The following DNAJC25 variants were observed in gnomAD, a reference collection of about 807,000 sequenced individuals.
DNAJC25 encodes the protein dnaJ homolog subfamily C member 25.
Under a neutral mutation model 42.1 loss-of-function variants are expected in DNAJC25, and 26 were observed. The observed-to-expected ratio is 0.62, with a 90% CI of 0.45 to 0.86. DNAJC25 has a LOEUF of 0.86. Ranked by LOEUF, DNAJC25 falls within the 40% of genes least tolerant of loss-of-function variation. The pLI, the probability that DNAJC25 is intolerant of heterozygous loss-of-function variation, is 0.00. For synonymous variants in DNAJC25, 189 were observed against 179.9 expected, an observed-to-expected ratio of 1.05 and a Z score of -0.40; for missense variants, 404 against 459.4, an observed-to-expected ratio of 0.88 and a Z score of 1.10.
intron 2 of DNAJC25, 67 bp downstream of exon 2, chr9:111,647,326 A>G (rs1830581956): frequency 6.5e-7 from 1 of 1,531,800 alleles, no homozygotes; most frequent in Non-Finnish European, 8.8e-7. Flanking sequence ...AGTGCTAGTC[A>G]TTAAAACCTA....
At chr9:111,652,538 T>C (rs1479633842) in intron 3 of DNAJC25, among the ~76,000 whole-genome samples, 2 of 137,070 alleles carry the variant, frequency 1.5e-5, no homozygotes, top group Non-Finnish European at 3.2e-5. Context: ...AAAAAAGTAC[T>C]AGTTCTTTTT....
chr9:111,634,058 C>T (rs76522856), intron 1 of DNAJC25, among the ~76,000 whole-genome samples: 13,865 of 152,096 alleles, frequency 0.091, 2,102 homozygotes, highest in African/African-American at 0.32. Flanking sequence ...TCCCCCAGAA[C>T]GCCCACTGTC....
intron 1 of DNAJC25, among the ~76,000 whole-genome samples, chr9:111,639,910 C>G (rs143527824): frequency 0.078 from 9,926 of 126,722 alleles, 1,169 homozygotes; most frequent in African/African-American, 0.28. Context: ...CTCCCTCTCC[C>G]TCTCCCTCTC....
At chr9:111,641,213 C>T (rs1830455429) in intron 1 of DNAJC25, among the ~76,000 whole-genome samples, 1 of 141,894 alleles carries the variant, frequency 7.0e-6, no homozygotes, top group South Asian at 2.2e-4. Flanking sequence ...GCCGCCCCGT[C>T]CGGGAGGGAG....
chr9:111,631,401 G>A lies in DNAJC25; in HGVS notation c.-7G>A. ...CTGGGGTGGCAGAGCCGCCAGCGAG[G>A]CTGGGGATGGGGGCGCCGCTGCTCT... On this transcript the variant is annotated 5_prime_UTR_variant, in exon 1 of 4. Coordinates refer to ENST00000313525, the MANE Select transcript of DNAJC25 (RefSeq NM_001015882.3). 2 of 1,276,158 alleles carry A rather than the reference G, an allele frequency of 1.6e-6. No homozygotes were observed. The highest frequency in any genetic ancestry group is 2.0e-6 in the Non-Finnish European group (2 of 1,015,396). The allele number at this position is 1,276,158 out of a possible 1,614,324, so 79.1% of individuals were successfully genotyped here. A position where few individuals can be genotyped will look rare whatever the true frequency, so the allele number is the denominator to read the frequency against.
In DNAJC25 at chr9:111,638,707, T is replaced by C. The variant is rs150179558; in HGVS notation, c.336+6964T>C. 2.8e-3 allele frequency among the ~76,000 whole-genome samples: 426 copies of C among 152,278 alleles called. 5 individuals are homozygous for C. The highest frequency in any genetic ancestry group is 9.8e-3 in the African/African-American group (406 of 41,550). ...CCCTTTACTTACCAAGTCCTATTCT[T>C]TTTCTTAGCTGCTAAAATCTGTTTC... On this transcript the variant is annotated intron_variant, in intron 1 of 3. Transcript: ENST00000313525.
At chr9:111,646,181 G>A (rs1480839721) in intron 1 of DNAJC25, among the ~76,000 whole-genome samples, 1 of 152,116 alleles carries the variant, frequency 6.6e-6, no homozygotes, top group Admixed American at 6.5e-5. Context: ...TGAAAATGGG[G>A]CAAGTTGGAA....
chr9:111,643,516 TAGAG>T (rs147015766), intron 1 of DNAJC25, among the ~76,000 whole-genome samples: 15 of 152,226 alleles, frequency 9.9e-5, no homozygotes, highest in Non-Finnish European at 1.9e-4. Context: ...AGGTTCAAAT[TAGAG>T]AGAAATAGAC....
intron 1 of DNAJC25, among the ~76,000 whole-genome samples, chr9:111,642,579 C>T (rs956102238): frequency 7.2e-6 from 1 of 139,650 alleles, no homozygotes; most frequent in African/African-American, 2.7e-5. Context: ...AAATCCCCCT[C>T]TGTGAGAAAC....
At chr9:111,649,327 T>G in intron 2 of DNAJC25, 126 bp from the exon 3 acceptor site, 77 of 1,410,078 alleles carry the variant, frequency 5.5e-5, no homozygotes, top group Non-Finnish European at 6.9e-5. Flanking sequence ...GTAAGATCTT[T>G]GAGATCCCTA....
rs1830696284 is a variant in DNAJC25, at chr9:111,653,487, T to C, written c.*265T>C. 3.8e-6 allele frequency: 1 copy of C among 263,934 alleles called. No individual in the cohort carries two copies. The highest frequency in any genetic ancestry group is 2.2e-5 in the African/African-American group (1 of 44,988). The allele number at this position is 263,934 out of a possible 1,614,324, so 16.3% of individuals were successfully genotyped here. A position where few individuals can be genotyped will look rare whatever the true frequency, so the allele number is the denominator to read the frequency against. On this transcript the variant is annotated 3_prime_UTR_variant, in exon 4 of 4. Coordinates refer to ENST00000313525, the MANE Select transcript of DNAJC25 (RefSeq NM_001015882.3). ...TTTATTAGTTGCCATTTAAAATTTTTATATGTTTAGTTAAAAGATTTGACA... is the reference window on the plus strand; with the variant it reads ...TTTATTAGTTGCCATTTAAAATTTTCATATGTTTAGTTAAAAGATTTGACA...
Position 111,631,451 on chromosome 9 carries a change from C to T in DNAJC25, c.44C>T (p.Ala15Val). The change falls in exon 1 of 4, where the codon GCC becomes GTC. Residue 15 changes from alanine (A) to valine (V), a missense_variant. Coordinates refer to ENST00000313525, the MANE Select transcript of DNAJC25 (RefSeq NM_001015882.3). ...LLSPGWGAGA[A>V]GRRWWMLLAP... ...TCTCCCGGCTGGGGAGCCGGGGCTG[C>T]CGGCCGGCGCTGGTGGATGCTGCTG... The T allele has an allele frequency of 7.7e-7, 1 of 1,301,024 alleles. No individual in the cohort carries two copies. Among genetic ancestry groups the T allele is most frequent in the Non-Finnish European group, 9.7e-7 (1 of 1,030,092 alleles). The allele number at this position is 1,301,024 out of a possible 1,614,324, so 80.6% of individuals were successfully genotyped here.
At chr9:111,636,176 T>C (rs1027182503) in intron 1 of DNAJC25, among the ~76,000 whole-genome samples, 2 of 152,168 alleles carry the variant, frequency 1.3e-5, no homozygotes, top group African/African-American at 4.8e-5. Flanking sequence ...ACCCTTTGAG[T>C]TGATCAGGAA....
At chr9:111,639,001 C>T (rs999869999) in intron 1 of DNAJC25, among the ~76,000 whole-genome samples, 1 of 152,046 alleles carries the variant, frequency 6.6e-6, no homozygotes, top group Non-Finnish European at 1.5e-5. Context: ...CTTTTATACC[C>T]TTAACACTTG....
At chr9:111,632,427 A>C (rs1256919614) in intron 1 of DNAJC25, among the ~76,000 whole-genome samples, 1 of 152,224 alleles carries the variant, frequency 6.6e-6, no homozygotes, top group Admixed American at 6.5e-5. Context: ...ATAGGTGCTT[A>C]ATGACTTGGG....
chr9:111,638,301 G>A lies in DNAJC25; in HGVS notation c.336+6558G>A, dbSNP rs552693473. 3.3e-5 allele frequency among the ~76,000 whole-genome samples: 5 copies of A among 152,274 alleles called. No homozygotes were observed. In the South Asian group the frequency reaches 1.0e-3, roughly 32 times the overall value. On this transcript the variant is annotated intron_variant, in intron 1 of 3. Coordinates refer to ENST00000313525, the MANE Select transcript of DNAJC25 (RefSeq NM_001015882.3). ...TCAGATAGGGAATGCTGAAATGCCTGTAAAACTGGAAAATACCTACCAAGC... is the reference window on the plus strand; with the variant it reads ...TCAGATAGGGAATGCTGAAATGCCTATAAAACTGGAAAATACCTACCAAGC...
intron 1 of DNAJC25, among the ~76,000 whole-genome samples, chr9:111,633,827 A>G (rs1287676004): frequency 1.3e-5 from 2 of 152,232 alleles, no homozygotes; most frequent in Non-Finnish European, 2.9e-5. Context: ...TTCTACCCCT[A>G]AAGTTTACCA....
intron 2 of DNAJC25, 127 bp from the exon 3 acceptor site, chr9:111,649,326 T>C: frequency 7.1e-7 from 1 of 1,415,668 alleles, no homozygotes. Flanking sequence ...AGTAAGATCT[T>C]TGAGATCCCT....
At chr9:111,640,962 C>T (rs1207733388) in intron 1 of DNAJC25, among the ~76,000 whole-genome samples, 3 of 101,532 alleles carry the variant, frequency 3.0e-5, no homozygotes, top group East Asian at 7.8e-4. Flanking sequence ...GGGGGGTCAG[C>T]CCCCCGCCTG....
Sources: gnomAD v4.1 joint callset for allele counts (sites outside exome capture counted in the v4.1 genomes callset) on GRCh38, gnomAD v4.1.1 for gene constraint, MANE v1.5 for transcripts, NCBI Gene and HGNC (gene_info 2026-07-23, HGNC 2026-07-21) for gene names.